The following TTC28 variants were observed in gnomAD, a reference collection of about 807,000 sequenced individuals.
TTC28 encodes tetratricopeptide repeat domain 28.
A neutral mutation model predicts 198.0 loss-of-function variants in TTC28; 61 were observed. The ratio of observed to expected loss-of-function variants is 0.31; its 90% CI spans 0.25 to 0.38. The LOEUF is 0.38. Ranked by LOEUF, TTC28 falls within the 10% of genes least tolerant of loss-of-function variation. TTC28 has a pLI of 1.00. For missense variants in TTC28, 2,678 were observed against 3,164.0 expected (o/e 0.85, Z 3.69); for synonymous variants, 1,171 against 1,297.8 (o/e 0.90, Z 2.10).
At chr22:28,442,910 C>G (rs2047647278) in intron 2 of TTC28, 1 of 152,376 alleles carries the variant, frequency 6.6e-6, no homozygotes, top group African/African-American at 2.4e-5. Flanking sequence ...GCCATTTCAT[C>G]ATATTTGTAA....
chr22:28,279,255 T>C (rs2044532696), intron 5 of TTC28, among the ~76,000 whole-genome samples: 1 of 152,228 alleles, frequency 6.6e-6, no homozygotes, highest in South Asian at 2.1e-4. Context: ...TTTTAGACAT[T>C]AGTATACTTT....
At chr22:28,131,457 G>A (rs1222795889) in intron 6 of TTC28, among the ~76,000 whole-genome samples, 1 of 152,192 alleles carries the variant, frequency 6.6e-6, no homozygotes, top group Non-Finnish European at 1.5e-5. Context: ...ACCGTAGCAT[G>A]CTGGTTGTTT....
intron 2 of TTC28, among the ~76,000 whole-genome samples, chr22:28,506,886 C>G (rs946070897): frequency 1.3e-5 from 2 of 152,106 alleles, no homozygotes; most frequent in African/African-American, 2.4e-5. Flanking sequence ...AAAACAGACC[C>G]CACAAAAAAT....
intron 1 of TTC28, among the ~76,000 whole-genome samples, chr22:28,639,967 A>T (rs2051336513): frequency 6.6e-6 from 1 of 152,174 alleles, no homozygotes; most frequent in Non-Finnish European, 1.5e-5. Context: ...GACTTGATAC[A>T]GCTAACAACA....
intron 2 of TTC28, among the ~76,000 whole-genome samples, chr22:28,537,798 C>T (rs1260076612): frequency 1.3e-5 from 2 of 152,062 alleles, no homozygotes; most frequent in African/African-American, 4.8e-5. Flanking sequence ...TATCAGACAG[C>T]TAATAAACTA....
At chr22:28,162,193 TA>T in intron 6 of TTC28, among the ~76,000 whole-genome samples, 1 of 152,322 alleles carries the variant, frequency 6.6e-6, no homozygotes, top group East Asian at 1.9e-4. Flanking sequence ...TACCACTACA[TA>T]TAAATTCCCC....
At chr22:28,368,945 T>C (rs1470235061) in intron 2 of TTC28, among the ~76,000 whole-genome samples, 1 of 152,094 alleles carries the variant, frequency 6.6e-6, no homozygotes, top group Non-Finnish European at 1.5e-5. Flanking sequence ...AGAATCAATA[T>C]TGTTAAAATG....
chr22:28,326,971 CACAA>C lies in TTC28; in HGVS notation c.382-20332_382-20329del, dbSNP rs1268400161. Among the ~76,000 whole-genome samples, 933 of 98,862 alleles carry C rather than the reference CACAA, an allele frequency of 9.4e-3. 11 individuals are homozygous for C. Among genetic ancestry groups the C allele is most frequent in the African/African-American group, 0.029 (883 of 30,650 alleles). 64.9% of individuals were successfully genotyped at this position (98,862 alleles called of 152,430 possible). A position where few individuals can be genotyped will look rare whatever the true frequency, so the allele number is the denominator to read the frequency against. Reference sequence around the variant, plus strand: ...CATCTCAATGAAAAGCATACACAAACACAAACACACACACACACACACACACACA... The same window carrying C: ...CATCTCAATGAAAAGCATACACAAACACACACACACACACACACACACACA... On this transcript the variant is annotated intron_variant, in intron 2 of 22. Coordinates refer to ENST00000397906, the MANE Select transcript of TTC28 (RefSeq NM_001145418.2).
chr22:28,272,266 A>C (rs971476483), intron 5 of TTC28, among the ~76,000 whole-genome samples: 17 of 152,248 alleles, frequency 1.1e-4, no homozygotes, highest in Non-Finnish European at 1.8e-4. Context: ...ATTATCACTC[A>C]ACCAAATCAA....
chr22:28,386,200 G>A (rs1197323331), intron 2 of TTC28, among the ~76,000 whole-genome samples: 5 of 138,510 alleles, frequency 3.6e-5, no homozygotes, highest in Non-Finnish European at 6.1e-5. Context: ...GCGTGAACCC[G>A]GGAGGCGGAG....
intron 2 of TTC28, among the ~76,000 whole-genome samples, chr22:28,354,318 GTACA>G (rs983444582): frequency 3.3e-5 from 5 of 152,188 alleles, no homozygotes; most frequent in African/African-American, 1.2e-4. Context: ...AATGTGGTAT[GTACA>G]TACAATGAAA....
At chr22:28,150,134 A>G (rs1943573032) in intron 6 of TTC28, among the ~76,000 whole-genome samples, 1 of 152,212 alleles carries the variant, frequency 6.6e-6, no homozygotes, top group Admixed American at 6.5e-5. Flanking sequence ...AGTATAAAAT[A>G]TTGTCAGGAA....
At chr22:28,014,832 T>C (rs1311894527) in intron 13 of TTC28, among the ~76,000 whole-genome samples, 2 of 152,188 alleles carry the variant, frequency 1.3e-5, no homozygotes, top group East Asian at 1.9e-4. Flanking sequence ...GGCCCCCACC[T>C]TGGGCTCAGA....
chr22:28,533,990 A>G (rs2145907982), intron 2 of TTC28, among the ~76,000 whole-genome samples: 1 of 152,360 alleles, frequency 6.6e-6, no homozygotes, highest in South Asian at 2.1e-4. Flanking sequence ...CATTCAGGAC[A>G]TAGGTATGGG....
At chr22:28,601,096 G>T (rs573522232) in intron 2 of TTC28, among the ~76,000 whole-genome samples, 1 of 152,126 alleles carries the variant, frequency 6.6e-6, no homozygotes, top group Admixed American at 6.5e-5. Context: ...AATATCACTA[G>T]AGCTTACCCA....
chr22:28,539,666 AAG>A (rs1188660887), intron 2 of TTC28, among the ~76,000 whole-genome samples: 5 of 151,748 alleles, frequency 3.3e-5, no homozygotes, highest in Admixed American at 3.3e-4. Flanking sequence ...TAGACAGAGA[AAG>A]AGGAGATGGA....
chr22:28,116,486 G>A (rs1264274554), intron 6 of TTC28, among the ~76,000 whole-genome samples: 1 of 152,204 alleles, frequency 6.6e-6, no homozygotes, highest in Non-Finnish European at 1.5e-5. Flanking sequence ...GGAGAGACTT[G>A]GTGGGAAGCC....
chr22:28,543,406 A>G (rs1354155938), intron 2 of TTC28, among the ~76,000 whole-genome samples: 1 of 151,316 alleles, frequency 6.6e-6, no homozygotes, highest in Non-Finnish European at 1.5e-5. Context: ...GAAGATGAAG[A>G]TGAAGATGAA....
At chr22:28,604,507 G>T (rs2146129432) in intron 2 of TTC28, among the ~76,000 whole-genome samples, 1 of 151,816 alleles carries the variant, frequency 6.6e-6, no homozygotes, top group East Asian at 1.9e-4. Flanking sequence ...ACTTTGGGAG[G>T]CCAAAGCAAG....
Sources: gnomAD v4.1 joint callset for allele counts (sites outside exome capture counted in the v4.1 genomes callset) on GRCh38, gnomAD v4.1.1 for gene constraint, MANE v1.5 for transcripts, NCBI Gene and HGNC (gene_info 2026-07-23, HGNC 2026-07-21) for gene names.